NPAS3: variants seen among roughly 807,000 people sequenced by gnomAD.
NPAS3 encodes neuronal PAS domain protein 3, also known as neuronal PAS domain-containing protein 3.
Under a neutral mutation model 73.1 loss-of-function variants are expected in NPAS3, and 14 were observed. The ratio of observed to expected loss-of-function variants is 0.19; its 90% CI spans 0.13 to 0.30. NPAS3 has a LOEUF of 0.30. NPAS3 is among the 10% of genes least tolerant of loss of function. The probability of loss-of-function intolerance (pLI) is 1.00; values close to 1 mark genes in which losing one functional copy is unlikely to be tolerated. For missense variants in NPAS3, 1,096 were observed against 1,250.0 expected (o/e 0.88, Z 1.86); for synonymous variants, 620 against 541.5 (o/e 1.14, Z -2.01).
chr14:33,314,843 A>G (rs565173909), intron 3 of NPAS3, among the ~76,000 whole-genome samples: 2 of 152,206 alleles, frequency 1.3e-5, no homozygotes, highest in East Asian at 3.9e-4. Context: ...AAAAGAATAA[A>G]GAGTAATATT....
At chr14:32,985,393 G>A (rs1473810243) in intron 1 of NPAS3, among the ~76,000 whole-genome samples, 1 of 152,190 alleles carries the variant, frequency 6.6e-6, no homozygotes, top group African/African-American at 2.4e-5. Flanking sequence ...AAATAACACA[G>A]GGAGGGGACC....
chr14:33,160,641 TAA>T (rs563075717), intron 2 of NPAS3, among the ~76,000 whole-genome samples: 7 of 141,026 alleles, frequency 5.0e-5, no homozygotes, highest in African/African-American at 1.3e-4. Context: ...AAAGTATAAT[TAA>T]AAAAAAAAAA....
intron 1 of NPAS3, among the ~76,000 whole-genome samples, chr14:32,986,597 C>A (rs927663119): frequency 1.3e-5 from 2 of 152,198 alleles, no homozygotes; most frequent in Non-Finnish European, 2.9e-5. Flanking sequence ...ATGCTAACTC[C>A]AATCAAAGAC....
intron 8 of NPAS3, among the ~76,000 whole-genome samples, chr14:33,775,236 T>C: frequency 6.6e-6 from 1 of 152,068 alleles, no homozygotes; most frequent in Admixed American, 6.6e-5. Context: ...TCAGACTGAT[T>C]GGAAGAGGAA....
intron 6 of NPAS3, among the ~76,000 whole-genome samples, chr14:33,702,898 C>A (rs897002434): frequency 2.6e-5 from 4 of 152,178 alleles, no homozygotes; most frequent in Non-Finnish European, 5.9e-5. Context: ...GTTGATCATT[C>A]TGGGTGTGAA....
intron 6 of NPAS3, among the ~76,000 whole-genome samples, chr14:33,684,465 C>T (rs1267996908): frequency 6.6e-6 from 1 of 152,044 alleles, no homozygotes; most frequent in Non-Finnish European, 1.5e-5. Flanking sequence ...GTGCACACCA[C>T]CACACCTAGA....
chr14:33,240,132 A>T (rs951584853), intron 3 of NPAS3, among the ~76,000 whole-genome samples: 1 of 152,028 alleles, frequency 6.6e-6, no homozygotes, highest in African/African-American at 2.4e-5. Flanking sequence ...GCATGGAAGG[A>T]TGCATGTAAG....
chr14:33,741,221 G>C (rs2061648238), intron 7 of NPAS3, among the ~76,000 whole-genome samples: 2 of 152,156 alleles, frequency 1.3e-5, no homozygotes. Flanking sequence ...TTCTCCTAAA[G>C]CCTTTTGCTT....
intron 2 of NPAS3, among the ~76,000 whole-genome samples, chr14:33,181,210 G>A (rs1026340712): frequency 1.3e-5 from 2 of 152,194 alleles, no homozygotes; most frequent in Non-Finnish European, 2.9e-5. Flanking sequence ...GTATGAATGA[G>A]TAGATGTATA....
At chr14:33,595,170 G>C (rs1163672257) in intron 5 of NPAS3, among the ~76,000 whole-genome samples, 1 of 152,212 alleles carries the variant, frequency 6.6e-6, no homozygotes, top group African/African-American at 2.4e-5. Context: ...CAGTGATCAT[G>C]GGGCAGTAGT....
chr14:33,437,262 C>G (rs1038370374), intron 4 of NPAS3, among the ~76,000 whole-genome samples: 1 of 152,182 alleles, frequency 6.6e-6, no homozygotes, highest in Non-Finnish European at 1.5e-5. Flanking sequence ...GATGAGGGAA[C>G]TGGTTTTAAA....
chr14:32,939,317 A>G, exon 1 of NPAS3: 1 of 699,996 alleles, frequency 1.4e-6, no homozygotes. Flanking sequence ...TAGCAGGAAG[A>G]TGGCGCCCAC....
chr14:33,782,822 T>TA lies in NPAS3; in HGVS notation c.1153+4250_1153+4251insA, dbSNP rs201726625. ...CAACATACTTGGGGGTTGTTTTTTTTTAAAAAAAAGAAAAAAACAGTAGCT... is the reference window on the plus strand; with the variant it reads ...CAACATACTTGGGGGTTGTTTTTTTTATAAAAAAAAGAAAAAAACAGTAGCT... On this transcript the variant is annotated intron_variant, in intron 9 of 11. Coordinates refer to ENST00000356141, the Ensembl canonical transcript of NPAS3. Among the ~76,000 whole-genome samples, 1,166 of 140,618 alleles carry TA rather than the reference T, an allele frequency of 8.3e-3. 17 individuals are homozygous for TA. The highest frequency in any genetic ancestry group is 0.028 in the African/African-American group (1,031 of 36,908). The allele number at this position is 140,618 out of a possible 152,430, so 92.3% of individuals were successfully genotyped here.
intron 3 of NPAS3, among the ~76,000 whole-genome samples, chr14:33,230,992 G>T (rs749842561): frequency 6.6e-6 from 1 of 152,198 alleles, no homozygotes; most frequent in South Asian, 2.1e-4. Flanking sequence ...ATGCAGATAC[G>T]CTTCTAAAGA....
At chr14:33,559,736 T>C (rs890443384) in intron 4 of NPAS3, among the ~76,000 whole-genome samples, 8 of 152,194 alleles carry the variant, frequency 5.3e-5, no homozygotes, top group African/African-American at 1.7e-4. Context: ...AAATTCAGCG[T>C]GGCCGGGCGC....
intron 2 of NPAS3, among the ~76,000 whole-genome samples, chr14:33,124,867 A>G (rs981058980): frequency 6.6e-6 from 1 of 152,142 alleles, no homozygotes; most frequent in Admixed American, 6.6e-5. Context: ...GATAAATTGC[A>G]TAATATAAAG....
chr14:33,455,656 C>CA lies in NPAS3; in HGVS notation c.468+88389dup, dbSNP rs2049992623. Among the ~76,000 whole-genome samples the CA allele has an allele frequency of 2.0e-5, 3 of 152,258 alleles. No individual in the cohort carries two copies. In the South Asian group the frequency reaches 6.2e-4, roughly 32 times the overall value. On this transcript the variant is annotated intron_variant, in intron 4 of 11. Coordinates refer to ENST00000356141, the Ensembl canonical transcript of NPAS3. Reference sequence around the variant, plus strand: ...TAATCTTGTATGACACTGCCCTCACCATTGCACATGACTGATTCTGTAAGG... The same window carrying CA: ...TAATCTTGTATGACACTGCCCTCACCAATTGCACATGACTGATTCTGTAAGG...
chr14:33,736,597 G>A (rs2061529650), intron 7 of NPAS3, among the ~76,000 whole-genome samples: 2 of 151,846 alleles, frequency 1.3e-5, no homozygotes, highest in South Asian at 4.1e-4. Flanking sequence ...TAACTATGTA[G>A]CCTTAGCAAG....
At chr14:33,319,627 G>A (rs141769541) in intron 3 of NPAS3, among the ~76,000 whole-genome samples, 6 of 151,696 alleles carry the variant, frequency 4.0e-5, no homozygotes, top group African/African-American at 1.2e-4. Context: ...TTCAGTAGCC[G>A]AGGCTCTATG....
Sources: gnomAD v4.1 joint callset for allele counts (sites outside exome capture counted in the v4.1 genomes callset) on GRCh38, gnomAD v4.1.1 for gene constraint, MANE v1.5 for transcripts, NCBI Gene and HGNC (gene_info 2026-07-23, HGNC 2026-07-21) for gene names.